The following CHODL variants were observed in gnomAD, a reference collection of about 807,000 sequenced individuals.
CHODL encodes transmembrane protein MT75.
CHODL carries 29 observed loss-of-function variants against 34.5 expected under a neutral mutation model. That is an observed-to-expected ratio of 0.84 (90% CI 0.63 to 1.15). The LOEUF is 1.15. Ranked by LOEUF, CHODL falls within the 50% of genes most tolerant of loss-of-function variation. CHODL has a pLI of 0.00. For synonymous variants in CHODL, 125 were observed against 116.1 expected (o/e 1.08, Z -0.49); for missense variants, 332 against 332.5 (o/e 1.00, Z 0.01).
chr21:18,030,212 G>A (rs556813936), intron 2 of CHODL, among the ~76,000 whole-genome samples: 12 of 152,284 alleles, frequency 7.9e-5, no homozygotes, highest in East Asian at 5.8e-4. Context: ...ATCGGTGTAC[G>A]CATTCTCTTG....
chr21:18,215,655 C>T (rs932127152), intron 2 of CHODL, among the ~76,000 whole-genome samples: 9 of 152,116 alleles, frequency 5.9e-5, no homozygotes, highest in African/African-American at 9.7e-5. Flanking sequence ...CTTAAGTCAT[C>T]GATGATTCAG....
intron 1 of CHODL, among the ~76,000 whole-genome samples, chr21:18,015,380 G>A (rs1488479681): frequency 2.0e-5 from 3 of 152,164 alleles, no homozygotes; most frequent in Non-Finnish European, 4.4e-5. Flanking sequence ...TAGGTTTTCT[G>A]AGGCCTCCCC....
chr21:18,030,917 C>G (rs2064240322), intron 2 of CHODL, among the ~76,000 whole-genome samples: 1 of 152,062 alleles, frequency 6.6e-6, no homozygotes, highest in Admixed American at 6.6e-5. Context: ...TTGGGCAGAT[C>G]AGAGGAGAAT....
At chr21:18,152,425 C>T (rs978075650) in intron 2 of CHODL, among the ~76,000 whole-genome samples, 15 of 152,168 alleles carry the variant, frequency 9.9e-5, no homozygotes, top group Non-Finnish European at 2.1e-4. Context: ...CAGGACCTCA[C>T]GAGGCTCAAC....
chr21:18,201,300 G>A (rs1312126008), intron 2 of CHODL, among the ~76,000 whole-genome samples: 1 of 151,962 alleles, frequency 6.6e-6, no homozygotes, highest in East Asian at 1.9e-4. Context: ...TTTTATAAAT[G>A]GGGAATTGTT....
At chr21:18,240,111 C>A (rs192538983), upstream of CHODL, among the ~76,000 whole-genome samples, 1 of 151,654 alleles carries the variant, frequency 6.6e-6, no homozygotes, top group Admixed American at 6.6e-5. Context: ...TTTTTCAGAC[C>A]CCGCATAATA....
intron 5 of CHODL, among the ~76,000 whole-genome samples, chr21:18,263,899 A>G (rs2074413106): frequency 7.1e-6 from 1 of 141,176 alleles, no homozygotes; most frequent in African/African-American, 2.8e-5. Flanking sequence ...CACATTAATA[A>G]CCTTTTTTTT....
At chr21:18,245,332 G>A (rs1372309149) in intron 1 of CHODL, 30 bp downstream of exon 1, 1 of 1,492,680 alleles carries the variant, frequency 6.7e-7, no homozygotes, top group Non-Finnish European at 8.9e-7. Context: ...CCCGAAGAAC[G>A]AGCGGGGAGA....
rs376681670 is a variant in CHODL, at chr21:17,950,008, A to G, written c.-145+32608A>G. ...AAAAATACCAAAAACCAAAATCAAA[A>G]CAAAAGAATAGATTTTGTAAAAGAA... On this transcript the variant is annotated intron_variant, in intron 1 of 6. Coordinates refer to the CHODL transcript ENST00000400127. Among the ~76,000 whole-genome samples the G allele has an allele frequency of 4.6e-5, 7 of 152,308 alleles. No individual in the cohort carries two copies. The South Asian group carries it at 1.2e-3, about 27-fold the overall frequency.
At chr21:17,979,091 G>A (rs1366119038) in intron 1 of CHODL, among the ~76,000 whole-genome samples, 1 of 152,122 alleles carries the variant, frequency 6.6e-6, no homozygotes, top group East Asian at 1.9e-4. Context: ...GGATAATTCA[G>A]AATATTCTTT....
At chr21:17,926,318 G>T in intron 1 of CHODL, among the ~76,000 whole-genome samples, 1 of 148,980 alleles carries the variant, frequency 6.7e-6, no homozygotes, top group East Asian at 2.0e-4. Flanking sequence ...AACACACATT[G>T]TTTACACAAG....
intron 1 of CHODL, among the ~76,000 whole-genome samples, chr21:17,975,047 G>T (rs969626608): frequency 2.6e-5 from 4 of 151,874 alleles, no homozygotes; most frequent in Non-Finnish European, 5.9e-5. Context: ...CCAGTGACAG[G>T]CCTGGTGCAG....
intron 2 of CHODL, among the ~76,000 whole-genome samples, chr21:18,223,989 G>A (rs1434697608): frequency 1.3e-5 from 2 of 152,168 alleles, no homozygotes; most frequent in African/African-American, 4.8e-5. Context: ...GAGGGAAATA[G>A]CTTCAATCAG....
intron 1 of CHODL, among the ~76,000 whole-genome samples, chr21:17,980,089 T>A (rs1324121452): frequency 6.6e-6 from 1 of 151,218 alleles, no homozygotes; most frequent in Non-Finnish European, 1.5e-5. Context: ...ATTAAATTCA[T>A]CCTTTTTTTT....
intron 1 of CHODL, among the ~76,000 whole-genome samples, chr21:18,003,022 C>A (rs1288702786): frequency 6.6e-6 from 1 of 151,664 alleles, no homozygotes; most frequent in Non-Finnish European, 1.5e-5. Flanking sequence ...ACTCGGGAGG[C>A]TGAGGCAGGA....
At chr21:18,060,990 T>C (rs1037212438) in intron 2 of CHODL, among the ~76,000 whole-genome samples, 1 of 152,172 alleles carries the variant, frequency 6.6e-6, no homozygotes, top group Non-Finnish European at 1.5e-5. Context: ...GCGTTGTATT[T>C]CCCACAGTAA....
intron 1 of CHODL, among the ~76,000 whole-genome samples, chr21:17,999,585 G>A (rs1005389013): frequency 2.0e-5 from 3 of 152,204 alleles, no homozygotes; most frequent in Admixed American, 1.3e-4. Context: ...GAGATGAAAG[G>A]CACTTCTTAC....
chr21:18,192,304 C>CT (rs552806631), intron 2 of CHODL, among the ~76,000 whole-genome samples: 18 of 151,956 alleles, frequency 1.2e-4, no homozygotes, highest in Admixed American at 4.6e-4. Context: ...CAGTAATGAA[C>CT]TTTTTTTTGC....
intron 5 of CHODL, among the ~76,000 whole-genome samples, chr21:18,265,461 G>A (rs868441644): frequency 6.6e-6 from 1 of 152,112 alleles, no homozygotes; most frequent in Middle Eastern, 3.4e-3. Flanking sequence ...TCACAAGTGG[G>A]AGCTAAGCTA....
Sources: gnomAD v4.1 joint callset for allele counts (sites outside exome capture counted in the v4.1 genomes callset) on GRCh38, gnomAD v4.1.1 for gene constraint, MANE v1.5 for transcripts, NCBI Gene and HGNC (gene_info 2026-07-23, HGNC 2026-07-21) for gene names.